Variants in RGS6 observed in about 807,000 individuals in gnomAD.
RGS6 encodes the protein regulator of G-protein signaling 6.
In RGS6, 30 loss-of-function variants were observed where a neutral mutation model predicts 78.5. The ratio of observed to expected loss-of-function variants is 0.38; its 90% CI spans 0.29 to 0.52. The LOEUF (loss-of-function observed/expected upper bound fraction) is 0.52, where lower values mean the gene tolerates loss of function less well. Ranked by LOEUF, RGS6 falls within the 20% of genes least tolerant of loss-of-function variation. The probability of loss-of-function intolerance (pLI) is 0.85; values close to 1 mark genes in which losing one functional copy is unlikely to be tolerated. For missense variants in RGS6, 495 were observed against 609.7 expected, an observed-to-expected ratio of 0.81 and a Z score of 1.98; for synonymous variants, 206 against 206.0, an observed-to-expected ratio of 1.00 and a Z score of 0.00.
intron 2 of RGS6, among the ~76,000 whole-genome samples, chr14:72,207,118 A>T (rs2042903857): frequency 6.6e-6 from 1 of 152,334 alleles, no homozygotes; most frequent in South Asian, 2.1e-4. Flanking sequence ...AAATTAAGAA[A>T]AAGAACCATG....
chr14:72,204,184 A>C (rs1327152808), intron 2 of RGS6, among the ~76,000 whole-genome samples: 3 of 152,182 alleles, frequency 2.0e-5, no homozygotes, highest in Non-Finnish European at 2.9e-5. Flanking sequence ...TGTGTTTTAC[A>C]ACCATCACCA....
intron 2 of RGS6, among the ~76,000 whole-genome samples, chr14:72,077,693 A>T (rs2094634834): frequency 6.6e-6 from 1 of 152,216 alleles, no homozygotes; most frequent in Admixed American, 6.5e-5. Context: ...ACATCTAAAG[A>T]ACAAGCACAC....
At chr14:72,196,581 G>A (rs1422833332) in intron 2 of RGS6, among the ~76,000 whole-genome samples, 2 of 152,164 alleles carry the variant, frequency 1.3e-5, no homozygotes, top group Non-Finnish European at 2.9e-5. Flanking sequence ...CTCTTCTGAA[G>A]TTCTTGCCTA....
intron 3 of RGS6, among the ~76,000 whole-genome samples, chr14:72,443,956 A>G (rs998634428): frequency 2.0e-5 from 3 of 152,328 alleles, no homozygotes; most frequent in Middle Eastern, 3.4e-3. Flanking sequence ...AGGCCTAATC[A>G]ATGTAGCCCA....
chr14:72,243,340 G>C (rs1165468872), intron 2 of RGS6, among the ~76,000 whole-genome samples: 2 of 27,788 alleles, frequency 7.2e-5, no homozygotes, highest in Admixed American at 6.0e-4. Flanking sequence ...TTGAATCTCA[G>C]TTCCTTGAAT....
intron 2 of RGS6, among the ~76,000 whole-genome samples, chr14:72,209,177 G>T (rs2043412314): frequency 6.6e-6 from 1 of 152,156 alleles, no homozygotes; most frequent in Non-Finnish European, 1.5e-5. Context: ...GAAGGTTAAG[G>T]CTGCAGTGAG....
chr14:72,318,721 C>T (rs112610543), intron 2 of RGS6, among the ~76,000 whole-genome samples: 12 of 152,232 alleles, frequency 7.9e-5, no homozygotes, highest in South Asian at 2.1e-4. Flanking sequence ...TAAAGGATGA[C>T]GCCAATAAGC....
chr14:72,203,059 T>C (rs1433837589), intron 2 of RGS6, among the ~76,000 whole-genome samples: 1 of 152,020 alleles, frequency 6.6e-6, no homozygotes, highest in Non-Finnish European at 1.5e-5. Context: ...TATTTTTTAG[T>C]GGAGACAGGG....
intron 2 of RGS6, among the ~76,000 whole-genome samples, chr14:72,118,535 G>A (rs76301682): frequency 0.05 from 7,606 of 152,224 alleles, 219 homozygotes; most frequent in Non-Finnish European, 0.055. Flanking sequence ...AGCTGTCTGC[G>A]TGGAAATAGA....
rs2095685921 is a variant in RGS6, at chr14:72,458,270, G to A, written c.236-1G>A. Reference sequence around the variant, plus strand: ...TCTCTCTCTATGCACTGTTCTTACAGTTGAAGCAATACACTTGGGGAGCCT... The same window carrying A: ...TCTCTCTCTATGCACTGTTCTTACAATTGAAGCAATACACTTGGGGAGCCT... On this transcript the variant is annotated splice_acceptor_variant, in intron 4 of 17. Transcript: ENST00000553525. LOFTEE classifies it high-confidence loss of function. 1 of 1,611,250 alleles carries A rather than the reference G, an allele frequency of 6.2e-7. No individual in the cohort carries two copies. Among genetic ancestry groups the A allele is most frequent in the African/African-American group, 1.3e-5 (1 of 74,866 alleles).
intron 2 of RGS6, among the ~76,000 whole-genome samples, chr14:71,993,724 T>C (rs532712433): frequency 6.6e-6 from 1 of 152,260 alleles, no homozygotes; most frequent in Admixed American, 6.5e-5. Context: ...ATGGCAAATC[T>C]TGATGTCATC....
intron 3 of RGS6, among the ~76,000 whole-genome samples, chr14:72,370,060 A>G (rs868631651): frequency 3.9e-5 from 6 of 152,120 alleles, no homozygotes; most frequent in Admixed American, 2.0e-4. Flanking sequence ...CATTTATATA[A>G]TCAAAATTGA....
intron 2 of RGS6, among the ~76,000 whole-genome samples, chr14:71,984,905 A>G (rs2094626406): frequency 6.6e-6 from 1 of 152,230 alleles, no homozygotes; most frequent in Non-Finnish European, 1.5e-5. Context: ...GAATCAAAAT[A>G]TAAAGTAGAG....
At chr14:71,979,249 G>T (rs928794528) in intron 2 of RGS6, among the ~76,000 whole-genome samples, 3 of 149,084 alleles carry the variant, frequency 2.0e-5, no homozygotes, top group African/African-American at 7.4e-5. Flanking sequence ...AGGGTTTTTT[G>T]TGTCTCTATT....
intron 2 of RGS6, among the ~76,000 whole-genome samples, chr14:72,142,121 A>T (rs549552356): frequency 9.0e-4 from 137 of 152,208 alleles, no homozygotes; most frequent in African/African-American, 3.2e-3. Flanking sequence ...CTGAGTTCTT[A>T]AAAAAACCTG....
intron 2 of RGS6, among the ~76,000 whole-genome samples, chr14:72,013,271 CAAAAAAAAAAAA>C (rs59579709): frequency 3.9e-5 from 3 of 77,052 alleles, no homozygotes; most frequent in African/African-American, 1.2e-4. Context: ...ACTCCGTCTC[CAAAAAAAAAAAA>C]AAAAAAAAAA....
At chr14:72,515,695 C>T (rs1221916237) in intron 14 of RGS6, 1 of 152,240 alleles carries the variant, frequency 6.6e-6, no homozygotes, top group Non-Finnish European at 1.5e-5. Flanking sequence ...TTTGTATTTC[C>T]ATCAGCTCCG....
At chr14:72,072,832 G>T (rs1008661531) in intron 2 of RGS6, among the ~76,000 whole-genome samples, 13 of 152,320 alleles carry the variant, frequency 8.5e-5, no homozygotes, top group Admixed American at 3.3e-4. Context: ...GTCAAAGGTA[G>T]TCTTGTAATT....
At chr14:72,180,309 A>G (rs2097157850) in intron 2 of RGS6, among the ~76,000 whole-genome samples, 1 of 152,246 alleles carries the variant, frequency 6.6e-6, no homozygotes, top group Admixed American at 6.5e-5. Flanking sequence ...TGGACTAGAC[A>G]AAGGCACCTC....
Sources: gnomAD v4.1 joint callset for allele counts (sites outside exome capture counted in the v4.1 genomes callset) on GRCh38, gnomAD v4.1.1 for gene constraint, MANE v1.5 for transcripts, NCBI Gene and HGNC (gene_info 2026-07-23, HGNC 2026-07-21) for gene names.